Variants in MICAL2 observed in about 807,000 individuals in gnomAD.
MICAL2 encodes the protein microtubule associated monooxygenase, calponin and LIM domain containing 2, also known as [F-actin]-monooxygenase MICAL2.
MICAL2 carries 77 observed loss-of-function variants against 127.3 expected under a neutral mutation model. The observed-to-expected ratio is 0.60, with a 90% CI of 0.50 to 0.73. The LOEUF is 0.73. Among genes scored for constraint, MICAL2 ranks in the 30% least tolerant of loss-of-function variants. MICAL2 has a pLI of 0.00. For synonymous variants in MICAL2, 570 were observed against 551.1 expected, an observed-to-expected ratio of 1.03 and a Z score of -0.48; for missense variants, 1,351 against 1,434.4, an observed-to-expected ratio of 0.94 and a Z score of 0.94.
chr11:12,207,969 T>C (rs1854947573), intron 4 of MICAL2, 54 bp from the exon 5 acceptor site: 1 of 1,308,642 alleles, frequency 7.6e-7, no homozygotes, highest in African/African-American at 1.5e-5. Flanking sequence ...ATTCTGCATA[T>C]AGGTGGTGTT....
chr11:12,231,835 C>T (rs1032571796), intron 15 of MICAL2, among the ~76,000 whole-genome samples: 3 of 152,202 alleles, frequency 2.0e-5, no homozygotes, highest in African/African-American at 4.8e-5. Context: ...CCTCCAGGTG[C>T]GCGCAGGTCA....
chr11:12,230,143 G>A (rs960992508), intron 15 of MICAL2, among the ~76,000 whole-genome samples: 1 of 152,188 alleles, frequency 6.6e-6, no homozygotes, highest in African/African-American at 2.4e-5. Flanking sequence ...CACGTAGAAA[G>A]TACCTTCTTC....
intron 32 of MICAL2, among the ~76,000 whole-genome samples, chr11:12,345,104 G>A (rs1229137446): frequency 2.1e-5 from 3 of 142,688 alleles, no homozygotes; most frequent in African/African-American, 8.8e-5. Flanking sequence ...AGAGCGAGAC[G>A]AGAATCCATC....
At chr11:12,296,145 G>C (rs968106255), downstream of MICAL2, among the ~76,000 whole-genome samples, 1 of 152,030 alleles carries the variant, frequency 6.6e-6, no homozygotes, top group African/African-American at 2.4e-5. Flanking sequence ...CTTAGAGACA[G>C]TTTAGCTAAA....
At chr11:12,327,401 C>T in intron 32 of MICAL2, 2 of 707,712 alleles carry the variant, frequency 2.8e-6, no homozygotes, top group South Asian at 1.9e-5. Flanking sequence ...TCCACAAGTG[C>T]CGCACACTTT....
chr11:12,185,951 T>C (rs977063157), intron 3 of MICAL2, among the ~76,000 whole-genome samples: 1 of 152,250 alleles, frequency 6.6e-6, no homozygotes, highest in Non-Finnish European at 1.5e-5. Flanking sequence ...CCCAGGCACA[T>C]AGCAGGTGCT....
chr11:12,267,494 C>T (rs1254446942), downstream of MICAL2, among the ~76,000 whole-genome samples: 2 of 152,172 alleles, frequency 1.3e-5, no homozygotes, highest in East Asian at 1.9e-4. Flanking sequence ...TCACCACCTC[C>T]GCACTAACCA....
intron 19 of MICAL2, 82 bp from the exon 20 acceptor site, chr11:12,242,589 C>A: frequency 6.8e-7 from 1 of 1,469,782 alleles, no homozygotes. Flanking sequence ...CGGCTGCCTC[C>A]CTCACCCACT....
At chr11:12,111,138 C>T (rs1405415487) in intron 1 of MICAL2, among the ~76,000 whole-genome samples, 1 of 152,216 alleles carries the variant, frequency 6.6e-6, no homozygotes, top group Non-Finnish European at 1.5e-5. Context: ...CCGAGCCTTG[C>T]ACGCCCCGTT....
intron 22 of MICAL2, among the ~76,000 whole-genome samples, chr11:12,251,203 C>T (rs1292828018): frequency 1.3e-5 from 2 of 151,868 alleles, no homozygotes; most frequent in Non-Finnish European, 2.9e-5. Flanking sequence ...AAAGAAAAAA[C>T]CTGTCATTAG....
intron 32 of MICAL2, among the ~76,000 whole-genome samples, chr11:12,335,577 A>G (rs920710074): frequency 2.6e-5 from 4 of 152,054 alleles, no homozygotes; most frequent in African/African-American, 9.7e-5. Context: ...TAGGGTTTTT[A>G]TGGTTTTAGG....
chr11:12,333,032 C>T (rs1938674057), intron 32 of MICAL2, among the ~76,000 whole-genome samples: 2 of 152,158 alleles, frequency 1.3e-5, no homozygotes, highest in South Asian at 4.1e-4. Flanking sequence ...GTAGGAAGTC[C>T]ATGGCCTCAT....
chr11:12,311,490 C>A (rs1258206261), intron 29 of MICAL2, among the ~76,000 whole-genome samples: 2 of 152,172 alleles, frequency 1.3e-5, no homozygotes, highest in Non-Finnish European at 2.9e-5. Flanking sequence ...TGACTCACTG[C>A]AACCTCTGCC....
At chr11:12,212,954 C>T (rs998238278) in intron 6 of MICAL2, among the ~76,000 whole-genome samples, 3 of 152,196 alleles carry the variant, frequency 2.0e-5, no homozygotes, top group Non-Finnish European at 2.9e-5. Context: ...TATCTAGCAA[C>T]AATGCCTGAC....
chr11:12,228,483 A>G (rs1857776395), intron 15 of MICAL2, among the ~76,000 whole-genome samples: 1 of 152,220 alleles, frequency 6.6e-6, no homozygotes, highest in South Asian at 2.1e-4. Context: ...ATCCAGTTAT[A>G]GGACATACAG....
rs758291468 is a variant in MICAL2, at chr11:12,242,394, C to T, written c.2518C>T (p.Leu840=). The T allele has an allele frequency of 1.9e-6, 3 of 1,610,542 alleles. No homozygotes were observed. Among genetic ancestry groups the T allele is most frequent in the Non-Finnish European group, 2.5e-6 (3 of 1,177,468 alleles). ...GAGGGCGCAGGCTCTTTCCGGGGTGCTGTGGCGGCTGCAGCAAGTGGAGGA... is the reference window on the plus strand; with the variant it reads ...GAGGGCGCAGGCTCTTTCCGGGGTGTTGTGGCGGCTGCAGCAAGTGGAGGA... ...RPRAQALSGV[L]WRLQQVEEKI... Residue 840 remains leucine (L), a synonymous_variant, in exon 19 of 28, where the codon CTG becomes TTG. Transcript: ENST00000683283.
chr11:12,197,063 G>T (rs1197921539), intron 3 of MICAL2, among the ~76,000 whole-genome samples: 1 of 152,192 alleles, frequency 6.6e-6, no homozygotes, highest in African/African-American at 2.4e-5. Flanking sequence ...AGCATTCATT[G>T]TATCTGTTTT....
chr11:12,140,609 G>A (rs1027707596), intron 2 of MICAL2, among the ~76,000 whole-genome samples: 5 of 151,696 alleles, frequency 3.3e-5, no homozygotes, highest in Non-Finnish European at 7.4e-5. Flanking sequence ...AGGAACTGGT[G>A]AGCTCTCTTC....
intron 29 of MICAL2, among the ~76,000 whole-genome samples, chr11:12,300,432 G>C (rs1196417718): frequency 6.6e-6 from 1 of 152,158 alleles, no homozygotes; most frequent in Non-Finnish European, 1.5e-5. Flanking sequence ...AATCAAAAGA[G>C]AGATTGTCCT....
Sources: gnomAD v4.1 joint callset for allele counts (sites outside exome capture counted in the v4.1 genomes callset) on GRCh38, gnomAD v4.1.1 for gene constraint, MANE v1.5 for transcripts, NCBI Gene and HGNC (gene_info 2026-07-23, HGNC 2026-07-21) for gene names.